CBFA2T2: variants seen among roughly 807,000 people sequenced by gnomAD.
CBFA2T2 encodes the protein CBFA2/RUNX1 partner transcriptional co-repressor 2.
Under a neutral mutation model 62.2 loss-of-function variants are expected in CBFA2T2, and 11 were observed. The observed-to-expected ratio is 0.18, with a 90% CI of 0.11 to 0.29. The LOEUF (loss-of-function observed/expected upper bound fraction) is 0.29, where lower values mean the gene tolerates loss of function less well. Among genes scored for constraint, CBFA2T2 ranks in the 10% least tolerant of loss-of-function variants. CBFA2T2 has a pLI of 1.00. For missense variants in CBFA2T2, 592 were observed against 774.1 expected (o/e 0.76, Z 2.79); for synonymous variants, 295 against 287.5 (o/e 1.03, Z -0.27).
At chr20:33,618,878 G>C (rs2015816907) in intron 3 of CBFA2T2, among the ~76,000 whole-genome samples, 1 of 152,206 alleles carries the variant, frequency 6.6e-6, no homozygotes, top group South Asian at 2.1e-4. Flanking sequence ...CTCAATATCA[G>C]GGATCAGAGT....
chr20:33,495,407 G>C (rs62209574), intron 1 of CBFA2T2, among the ~76,000 whole-genome samples: 1 of 147,432 alleles, frequency 6.8e-6, no homozygotes, highest in East Asian at 2.0e-4. Flanking sequence ...AAAAAAAAAG[G>C]CCGGGCACGA....
At chr20:33,512,244 G>A (rs116862378) in intron 1 of CBFA2T2, among the ~76,000 whole-genome samples, 2,464 of 151,872 alleles carry the variant, frequency 0.016, 33 homozygotes, top group Non-Finnish European at 0.027. Flanking sequence ...CCAGCCTCTC[G>A]GGAGGCTGAG....
At chr20:33,615,614 T>C (rs531697961) in intron 3 of CBFA2T2, among the ~76,000 whole-genome samples, 17 of 152,280 alleles carry the variant, frequency 1.1e-4, no homozygotes, top group African/African-American at 1.7e-4. Flanking sequence ...CCGTGGACTT[T>C]ACCTATAAAA....
intron 1 of CBFA2T2, among the ~76,000 whole-genome samples, chr20:33,581,417 T>C (rs74791347): frequency 0.019 from 2,916 of 152,318 alleles, 209 homozygotes; most frequent in Admixed American, 0.14. Flanking sequence ...TAAACTTCTT[T>C]GAAACAAGTT....
At chr20:33,541,921 C>G (rs1217216738) in intron 1 of CBFA2T2, among the ~76,000 whole-genome samples, 1 of 152,124 alleles carries the variant, frequency 6.6e-6, no homozygotes, top group Non-Finnish European at 1.5e-5. Context: ...CTCTGTCACC[C>G]AGGCTGGAGT....
At chr20:33,591,393 G>C (rs755305594) in intron 1 of CBFA2T2, among the ~76,000 whole-genome samples, 2 of 146,734 alleles carry the variant, frequency 1.4e-5, no homozygotes, top group East Asian at 4.1e-4. Flanking sequence ...AGAATTGCTT[G>C]AACCCGGGAG....
At chr20:33,491,463 A>C (rs1193641794) in intron 1 of CBFA2T2, among the ~76,000 whole-genome samples, 6 of 152,202 alleles carry the variant, frequency 3.9e-5, no homozygotes, top group Non-Finnish European at 8.8e-5. Flanking sequence ...ACTGAGTAAC[A>C]GAAGGTACTC....
intron 1 of CBFA2T2, among the ~76,000 whole-genome samples, chr20:33,531,174 A>G (rs1341310632): frequency 1.3e-5 from 2 of 152,344 alleles, no homozygotes; most frequent in Admixed American, 6.5e-5. Flanking sequence ...TGCAGGGTGC[A>G]GTACAGTGTC....
chr20:33,583,739 A>G (rs987298518), intron 1 of CBFA2T2, among the ~76,000 whole-genome samples: 6 of 152,114 alleles, frequency 3.9e-5, no homozygotes, highest in Non-Finnish European at 8.8e-5. Context: ...GTGCTGTTAT[A>G]TTATGCATTC....
intron 1 of CBFA2T2, among the ~76,000 whole-genome samples, chr20:33,512,466 A>AC (rs2011527371): frequency 1.3e-5 from 2 of 152,142 alleles, no homozygotes; most frequent in African/African-American, 4.8e-5. Context: ...GACCTCTATC[A>AC]CCATTCATTA....
chr20:33,632,791 C>T (rs149288935), intron 8 of CBFA2T2, among the ~76,000 whole-genome samples: 1 of 151,088 alleles, frequency 6.6e-6, no homozygotes, highest in Non-Finnish European at 1.5e-5. Context: ...TTGTTTGAGA[C>T]GGAGTCTTGT....
chr20:33,511,401 C>T (rs2011509052), intron 1 of CBFA2T2, among the ~76,000 whole-genome samples: 2 of 152,106 alleles, frequency 1.3e-5, no homozygotes, highest in Admixed American at 6.6e-5. Context: ...GAATCCTTTC[C>T]GCATTTCTTG....
intron 1 of CBFA2T2, among the ~76,000 whole-genome samples, chr20:33,496,066 A>G (rs1166212686): frequency 6.6e-6 from 1 of 152,176 alleles, no homozygotes; most frequent in Non-Finnish European, 1.5e-5. Flanking sequence ...CTTTAAGCGT[A>G]AGGCTTTTGG....
chr20:33,566,404 G>A (rs1405472808), intron 1 of CBFA2T2, among the ~76,000 whole-genome samples: 2 of 152,092 alleles, frequency 1.3e-5, no homozygotes, highest in Non-Finnish European at 2.9e-5. Context: ...TCAGGAGTTC[G>A]AGACAAGCCT....
intron 8 of CBFA2T2, among the ~76,000 whole-genome samples, chr20:33,631,415 G>A (rs924422580): frequency 6.6e-6 from 1 of 152,242 alleles, no homozygotes; most frequent in African/African-American, 2.4e-5. Context: ...CGGACAGGGA[G>A]AAAGGCTTTT....
At chr20:33,531,399 T>G (rs183706543) in intron 1 of CBFA2T2, among the ~76,000 whole-genome samples, 1 of 152,242 alleles carries the variant, frequency 6.6e-6, no homozygotes, top group Non-Finnish European at 1.5e-5. Context: ...CTACTCACAC[T>G]GCTGCTGTAT....
intron 1 of CBFA2T2, among the ~76,000 whole-genome samples, chr20:33,592,482 T>C (rs2014705251): frequency 6.6e-6 from 1 of 150,720 alleles, no homozygotes; most frequent in African/African-American, 2.4e-5. Context: ...GTTCTGTTAA[T>C]GCATGATATT....
At chr20:33,636,774 T>G in intron 9 of CBFA2T2, 66 bp downstream of exon 9, 2 of 1,199,210 alleles carry the variant, frequency 1.7e-6, no homozygotes, top group Non-Finnish European at 2.5e-6. Context: ...AACAGATAAC[T>G]GGGTGAATGG....
intron 1 of CBFA2T2, among the ~76,000 whole-genome samples, chr20:33,507,110 CA>C (rs757566192): frequency 6.6e-6 from 1 of 152,142 alleles, no homozygotes; most frequent in Non-Finnish European, 1.5e-5. Context: ...GAAGGACAAA[CA>C]GCTAATTATA....
Sources: gnomAD v4.1 joint callset for allele counts (sites outside exome capture counted in the v4.1 genomes callset) on GRCh38, gnomAD v4.1.1 for gene constraint, MANE v1.5 for transcripts, NCBI Gene and HGNC (gene_info 2026-07-23, HGNC 2026-07-21) for gene names.